The following DDC variants were observed in gnomAD, a reference collection of about 807,000 sequenced individuals.
The protein encoded by DDC is dopa decarboxylase.
In DDC, 43 loss-of-function variants were observed where a neutral mutation model predicts 60.0. That is an observed-to-expected ratio of 0.72 (90% CI 0.56 to 0.92). DDC has a LOEUF of 0.92. Ranked by LOEUF, DDC falls within the 40% of genes least tolerant of loss-of-function variation. The pLI, the probability that DDC is intolerant of heterozygous loss-of-function variation, is 0.00. For missense variants in DDC, 573 were observed against 620.2 expected, an observed-to-expected ratio of 0.92 and a Z score of 0.81; for synonymous variants, 232 against 234.6, an observed-to-expected ratio of 0.99 and a Z score of 0.10.
At chr7:50,526,472 C>A (rs929509109) in intron 6 of DDC, among the ~76,000 whole-genome samples, 1 of 151,674 alleles carries the variant, frequency 6.6e-6, no homozygotes, top group African/African-American at 2.4e-5. Flanking sequence ...AGAAAAGATG[C>A]CGAATGGAAA....
intron 3 of DDC, among the ~76,000 whole-genome samples, chr7:50,538,378 A>G (rs1407654834): frequency 1.3e-5 from 2 of 151,574 alleles, no homozygotes; most frequent in African/African-American, 2.4e-5. Context: ...TGTCTTTTAA[A>G]CTCCCAGTGA....
At position 50,467,275 on chromosome 7, in the gene DDC, T is replaced by C. The variant is rs200295408; in HGVS notation, c.1181A>G (p.Gln394Arg). ...LSHEFESLVR[Q>R]DPRFEICVEV... ...CACACAGATTTCAAAGCGGGGATCC[T>C]GGCGCACCAGTGACTCAAACTCATG... Residue 394 changes from glutamine (Q) to arginine (R), a missense_variant, in exon 13 of 15, where the codon CAG becomes CGG. Gln to Arg is a conservative substitution (Grantham distance 43). Coordinates refer to ENST00000444124, the MANE Select transcript of DDC (RefSeq NM_001082971.2). 2.0e-5 allele frequency: 33 copies of C among 1,614,212 alleles called. No homozygotes were observed. In the African/African-American group the frequency reaches 3.7e-4, roughly 18 times the overall value.
intron 8 of DDC, among the ~76,000 whole-genome samples, chr7:50,496,664 T>C (rs1264354580): frequency 6.6e-5 from 10 of 152,196 alleles, no homozygotes; most frequent in Non-Finnish European, 1.2e-4. Flanking sequence ...AGGGTCCACC[T>C]TAATGGCCAG....
chr7:50,492,951 C>T lies in DDC; in HGVS notation c.944+2399G>A, dbSNP rs114341176. On this transcript the variant is annotated intron_variant, in intron 9 of 14. Transcript: ENST00000444124. ...GAAAGGCTCAACTCCTTCTCACCAC[C>T]GCACTGACTAAGCAGGTTTTCTTCA... The T allele has an allele frequency of 4.0e-4, 643 of 1,598,292 alleles. 2 individuals carry two copies. The African/African-American group carries it at 7.7e-3, about 19-fold the overall frequency.
At chr7:50,547,284 C>T (rs2044840022) in intron 1 of DDC, among the ~76,000 whole-genome samples, 1 of 151,324 alleles carries the variant, frequency 6.6e-6, no homozygotes, top group Non-Finnish European at 1.5e-5. Flanking sequence ...GATCTTGGCT[C>T]ACGGCAACCT....
intron 11 of DDC, among the ~76,000 whole-genome samples, chr7:50,472,669 G>T (rs1421483889): frequency 1.3e-5 from 2 of 152,124 alleles, no homozygotes; most frequent in Admixed American, 1.3e-4. Flanking sequence ...GTGCAAACTG[G>T]AGGCAAATGG....
chr7:50,507,797 T>C (rs17733244), intron 6 of DDC, among the ~76,000 whole-genome samples: 25,569 of 152,110 alleles, frequency 0.17, 2,905 homozygotes, highest in East Asian at 0.44. Flanking sequence ...ATAGGGGTGA[T>C]GTTCTTTGCG....
In DDC at chr7:50,560,476, A is replaced by T. The variant is rs11575274; in HGVS notation, c.-29+4809T>A. Among the ~76,000 whole-genome samples the T allele has an allele frequency of 3.7e-3, 569 of 152,108 alleles. 3 individuals are homozygous for T. Among genetic ancestry groups the T allele is most frequent in the African/African-American group, 0.013 (532 of 41,480 alleles). ...TGTGCCCGCCCCTTTATAAAATCAAACCTGGTTTTTACTATGATCTGGGGG... is the reference window on the plus strand; with the variant it reads ...TGTGCCCGCCCCTTTATAAAATCAATCCTGGTTTTTACTATGATCTGGGGG... On this transcript the variant is annotated intron_variant, in intron 1 of 14. Transcript: ENST00000444124.
chr7:50,467,345 T>A (rs754952070), intron 12 of DDC, 30 bp from the exon 13 acceptor site: 7 of 1,575,704 alleles, frequency 4.4e-6, no homozygotes, highest in Non-Finnish European at 6.1e-6. Flanking sequence ...AATCTGTTTT[T>A]CTCATGGCCA....
intron 9 of DDC, among the ~76,000 whole-genome samples, chr7:50,484,315 T>C (rs1443833538): frequency 6.6e-6 from 1 of 152,218 alleles, no homozygotes; most frequent in African/African-American, 2.4e-5. Flanking sequence ...TTCTTCCTTT[T>C]ACTTTTTGGA....
Position 50,492,472 on chromosome 7 carries a change from T to C in DDC, c.944+2878A>G, listed in dbSNP as rs143172033. Among the ~76,000 whole-genome samples, 597 of 152,196 alleles carry C rather than the reference T, an allele frequency of 3.9e-3. 4 individuals carry two copies. In the Middle Eastern group the frequency reaches 0.051, roughly 13 times the overall value. On this transcript the variant is annotated intron_variant, in intron 9 of 14. Transcript: ENST00000444124. ...CCGGCTCAGGAGAGAAAGAGCACATTCTCTATTGCAATTTAAAAACATATT... is the reference window on the plus strand; with the variant it reads ...CCGGCTCAGGAGAGAAAGAGCACATCCTCTATTGCAATTTAAAAACATATT...
chr7:50,510,471 C>T (rs2043526888), intron 6 of DDC, among the ~76,000 whole-genome samples: 1 of 150,890 alleles, frequency 6.6e-6, no homozygotes, highest in Non-Finnish European at 1.5e-5. Context: ...GAGTTTAAGA[C>T]CAGTCTGACC....
At chr7:50,545,733 AAAGT>A (rs1195514703) in intron 1 of DDC, among the ~76,000 whole-genome samples, 5 of 152,188 alleles carry the variant, frequency 3.3e-5, no homozygotes, top group African/African-American at 1.2e-4. Flanking sequence ...TCGGCCTCTC[AAAGT>A]GCTGGGATTA....
chr7:50,538,448 G>T (rs2044493726), intron 3 of DDC, among the ~76,000 whole-genome samples: 1 of 152,276 alleles, frequency 6.6e-6, no homozygotes, highest in South Asian at 2.1e-4. Context: ...CCATCCAAAG[G>T]TGGATTGAGT....
Position 50,546,571 on chromosome 7 carries a change from C to G in DDC, c.-28-2458G>C, listed in dbSNP as rs558587635. Among the ~76,000 whole-genome samples, 4 of 152,328 alleles carry G rather than the reference C, an allele frequency of 2.6e-5. No individual in the cohort carries two copies. The South Asian group carries it at 8.3e-4, about 32-fold the overall frequency. On this transcript the variant is annotated intron_variant, in intron 1 of 14. Transcript: ENST00000444124. ...GCTCTTCCCCCTTGGGCCAGAGGAG[C>G]TTGGCTGATGTTTGGTCAAGGTACT...
intron 10 of DDC, among the ~76,000 whole-genome samples, chr7:50,479,113 G>A (rs1342258864): frequency 1.3e-5 from 2 of 152,162 alleles, no homozygotes; most frequent in East Asian, 1.9e-4. Context: ...CAAATGAGAC[G>A]ACATAGGTGA....
intron 6 of DDC, among the ~76,000 whole-genome samples, chr7:50,509,564 T>C (rs547565879): frequency 1.3e-5 from 2 of 152,300 alleles, no homozygotes; most frequent in South Asian, 4.1e-4. Flanking sequence ...ATTTTTCATT[T>C]CCTCATTTGC....
chr7:50,545,416 T>C (rs545241818), intron 1 of DDC, among the ~76,000 whole-genome samples: 1 of 152,226 alleles, frequency 6.6e-6, no homozygotes, highest in Non-Finnish European at 1.5e-5. Flanking sequence ...AAGCCTAAAA[T>C]CCCACAACCC....
intron 14 of DDC, among the ~76,000 whole-genome samples, chr7:50,461,374 G>T (rs367761502): frequency 9.9e-5 from 15 of 152,186 alleles, no homozygotes; most frequent in African/African-American, 3.6e-4. Flanking sequence ...AAGATATTAA[G>T]ATTTTTATTG....
Sources: gnomAD v4.1 joint callset for allele counts (sites outside exome capture counted in the v4.1 genomes callset) on GRCh38, gnomAD v4.1.1 for gene constraint, MANE v1.5 for transcripts, NCBI Gene and HGNC (gene_info 2026-07-23, HGNC 2026-07-21) for gene names.